The following PLD1 variants were observed in gnomAD, a reference collection of about 807,000 sequenced individuals.
The protein encoded by PLD1 is choline phosphatase 1.
In PLD1, 112 loss-of-function variants were observed where a neutral mutation model predicts 137.1. The observed-to-expected ratio is 0.82, with a 90% confidence interval of 0.70 to 0.96. The LOEUF (loss-of-function observed/expected upper bound fraction) is 0.96. PLD1 is among the 40% of genes least tolerant of loss of function. The probability of loss-of-function intolerance (pLI) is 0.00; values close to 1 mark genes in which losing one functional copy is unlikely to be tolerated. For synonymous variants in PLD1, 431 were observed against 454.7 expected (o/e 0.95, Z 0.66); for missense variants, 1,321 against 1,342.0 (o/e 0.98, Z 0.24).
chr3:171,774,393 G>T (rs1042202645), intron 1 of PLD1, among the ~76,000 whole-genome samples: 3 of 152,188 alleles, frequency 2.0e-5, no homozygotes, highest in Non-Finnish European at 4.4e-5. Context: ...AGGGTAAACG[G>T]GGTGGGGGAC....
At chr3:171,676,164 T>C (rs1028960512) in intron 18 of PLD1, among the ~76,000 whole-genome samples, 6 of 152,156 alleles carry the variant, frequency 3.9e-5, no homozygotes, top group Non-Finnish European at 5.9e-5. Flanking sequence ...ACTTAACTTA[T>C]GAATGTTAGG....
At chr3:171,651,326 GTGTGTGT>G (rs1736752358) in intron 21 of PLD1, among the ~76,000 whole-genome samples, 6 of 37,042 alleles carry the variant, frequency 1.6e-4, no homozygotes, top group African/African-American at 1.2e-3. Context: ...GGCTTAGGGT[GTGTGTGT>G]GTGTGTGTGT....
intron 2 of PLD1, 52 bp from the exon 3 acceptor site, chr3:171,737,711 T>A: frequency 7.3e-7 from 1 of 1,373,300 alleles, no homozygotes; most frequent in South Asian, 1.3e-5. Context: ...GCATAACTTG[T>A]CTTTTACAGG....
intron 8 of PLD1, among the ~76,000 whole-genome samples, chr3:171,724,414 C>T (rs1016439743): frequency 2.6e-5 from 4 of 152,154 alleles, no homozygotes; most frequent in African/African-American, 9.7e-5. Flanking sequence ...CGTTGAGCAT[C>T]TTTTCGTATA....
chr3:171,635,830 T>G (rs1735053013), intron 23 of PLD1, among the ~76,000 whole-genome samples: 1 of 151,946 alleles, frequency 6.6e-6, no homozygotes. Flanking sequence ...TGGTGTAAAA[T>G]CCAAGAAGCC....
At chr3:171,782,149 A>T in intron 1 of PLD1, among the ~76,000 whole-genome samples, 1 of 152,238 alleles carries the variant, frequency 6.6e-6, no homozygotes, top group South Asian at 2.1e-4. Flanking sequence ...CATACATTGT[A>T]TGATTCAATT....
chr3:171,753,181 C>A (rs1333009474), intron 1 of PLD1, among the ~76,000 whole-genome samples: 1 of 152,248 alleles, frequency 6.6e-6, no homozygotes, highest in African/African-American at 2.4e-5. Context: ...TGTGGACAGG[C>A]TGCCAGCCTC....
intron 21 of PLD1, among the ~76,000 whole-genome samples, chr3:171,646,675 C>CA (rs77696811): frequency 0.37 from 32,774 of 89,228 alleles, 4,273 homozygotes; most frequent in African/African-American, 0.48. Flanking sequence ...AAAGAACAGA[C>CA]AAAAAAAAAA....
chr3:171,676,785 G>A lies in PLD1; in HGVS notation c.2045C>T (p.Ala682Val), dbSNP rs746455962. 2 of 1,614,186 alleles carry A rather than the reference G, an allele frequency of 1.2e-6. No individual in the cohort carries two copies. Among genetic ancestry groups the A allele is most frequent in the Non-Finnish European group, 1.7e-6 (2 of 1,180,012 alleles). The change falls in exon 18 of 27, where the codon GCC (alanine) becomes GTC (valine). Residue 682 changes from alanine (A) to valine (V), a missense_variant. Transcript: ENST00000351298. ...STPRMPWHDI[A>V]SAVHGKAARD... is the part of the protein sequence containing the mutation. ...AGCCGCCTTCCCGTGGACTGCAGAG[G>A]CAATGTCATGCCAGGGCATCCGGGG... is the stretch of plus-strand genomic sequence containing the variant.
At chr3:171,792,287 A>G (rs1320901754) in intron 1 of PLD1, 4 of 257,356 alleles carry the variant, frequency 1.6e-5, no homozygotes, top group Non-Finnish European at 3.1e-5. Context: ...CAGCCCAGCC[A>G]CATATGCACC....
At chr3:171,761,588 T>C (rs1721398527) in intron 1 of PLD1, among the ~76,000 whole-genome samples, 1 of 152,198 alleles carries the variant, frequency 6.6e-6, no homozygotes, top group Non-Finnish European at 1.5e-5. Context: ...TCAACTTGGA[T>C]GGAGAAGCCT....
chr3:171,781,989 C>T (rs566611445), intron 1 of PLD1, among the ~76,000 whole-genome samples: 5 of 152,302 alleles, frequency 3.3e-5, no homozygotes, highest in Non-Finnish European at 4.4e-5. Context: ...AATGAATAAA[C>T]AACCTGTTGT....
chr3:171,674,979 C>CAAAAAAAAAA (rs376402019), intron 18 of PLD1, among the ~76,000 whole-genome samples: 11 of 74,992 alleles, frequency 1.5e-4, no homozygotes, highest in South Asian at 7.2e-4. Flanking sequence ...ATCTCCATCT[C>CAAAAAAAAAA]AAAAAAAAAA....
At chr3:171,646,675 CAAA>C (rs77696811) in intron 21 of PLD1, among the ~76,000 whole-genome samples, 5 of 89,504 alleles carry the variant, frequency 5.6e-5, no homozygotes, top group Non-Finnish European at 7.5e-5. Context: ...AAAGAACAGA[CAAA>C]AAAAAAAAAA....
intron 1 of PLD1, among the ~76,000 whole-genome samples, chr3:171,772,967 C>T (rs969090554): frequency 6.6e-6 from 1 of 152,032 alleles, no homozygotes; most frequent in Non-Finnish European, 1.5e-5. Flanking sequence ...GAAAGAGCTT[C>T]AAAAAATACT....
At chr3:171,662,499 C>T (rs1711609532) in intron 19 of PLD1, among the ~76,000 whole-genome samples, 1 of 152,238 alleles carries the variant, frequency 6.6e-6, no homozygotes, top group South Asian at 2.1e-4. Flanking sequence ...TTCAGAAGTA[C>T]CTCTTCTGAT....
chr3:171,698,994 A>C (rs1361114274), intron 12 of PLD1, among the ~76,000 whole-genome samples: 1 of 150,694 alleles, frequency 6.6e-6, no homozygotes, highest in East Asian at 1.9e-4. Flanking sequence ...AAAAAAAAAA[A>C]GGTTAAGACA....
At chr3:171,682,277 T>C (rs1411235884) in intron 16 of PLD1, among the ~76,000 whole-genome samples, 1 of 152,162 alleles carries the variant, frequency 6.6e-6, no homozygotes, top group African/African-American at 2.4e-5. Context: ...ATCTTGAAAA[T>C]GACTGAGTGA....
At chr3:171,773,288 G>A (rs570091159) in intron 1 of PLD1, among the ~76,000 whole-genome samples, 1 of 152,214 alleles carries the variant, frequency 6.6e-6, no homozygotes, top group Admixed American at 6.5e-5. Flanking sequence ...ATGAGCCCAA[G>A]CTGTACTACT....
Sources: gnomAD v4.1 joint callset for allele counts (sites outside exome capture counted in the v4.1 genomes callset) on GRCh38, gnomAD v4.1.1 for gene constraint, MANE v1.5 for transcripts, NCBI Gene and HGNC (gene_info 2026-07-23, HGNC 2026-07-21) for gene names.